Variants in EPHA6 observed in about 807,000 individuals in gnomAD.
The protein encoded by EPHA6 is EPH receptor A6.
Under a neutral mutation model 112.0 loss-of-function variants are expected in EPHA6, and 50 were observed. The observed-to-expected ratio is 0.45, with a 90% confidence interval of 0.36 to 0.56. EPHA6 has a LOEUF of 0.56. EPHA6 is among the 20% of genes least tolerant of loss of function. The pLI, the probability that EPHA6 is intolerant of heterozygous loss-of-function variation, is 0.00. For synonymous variants in EPHA6, 529 were observed against 490.7 expected (o/e 1.08, Z -1.03); for missense variants, 1,280 against 1,417.4 (o/e 0.90, Z 1.56).
At chr3:97,296,592 C>G (rs1236031402) in intron 5 of EPHA6, among the ~76,000 whole-genome samples, 1 of 152,120 alleles carries the variant, frequency 6.6e-6, no homozygotes. Context: ...GGCTCTCAGG[C>G]TCTGGGGAGT....
chr3:97,143,427 T>G (rs1038928047), intron 3 of EPHA6, among the ~76,000 whole-genome samples: 6 of 151,842 alleles, frequency 4.0e-5, no homozygotes, highest in African/African-American at 1.4e-4. Context: ...ATTTACAAAG[T>G]CAATTTTTAG....
At position 97,185,016 on chromosome 3, in the gene EPHA6, A is replaced by C. The variant is rs1025014298; in HGVS notation, c.1115-41248A>C. 1.6e-4 allele frequency among the ~76,000 whole-genome samples: 24 copies of C among 152,330 alleles called. No individual in the cohort carries two copies. The South Asian group carries it at 4.4e-3, about 28-fold the overall frequency. On this transcript the variant is annotated intron_variant, in intron 3 of 17. Transcript: ENST00000389672. ...CTGGGAAAACTGGCTAGCCATAGGT[A>C]GAAAGCTGAAACTGGATCCCTTCCT... is the stretch of plus-strand genomic sequence containing the variant.
chr3:96,919,802 A>G (rs1404111028), intron 2 of EPHA6, among the ~76,000 whole-genome samples: 1 of 151,682 alleles, frequency 6.6e-6, no homozygotes, highest in Non-Finnish European at 1.5e-5. Context: ...TTTATTTTTC[A>G]TTCTGTTAGT....
chr3:97,747,047 G>A (rs1342176947), intron 16 of EPHA6, among the ~76,000 whole-genome samples: 1 of 151,738 alleles, frequency 6.6e-6, no homozygotes, highest in Non-Finnish European at 1.5e-5. Flanking sequence ...TGGGGATAAG[G>A]GATGGGCTAT....
At chr3:96,987,293 T>C (rs374831686) in intron 2 of EPHA6, 37 bp from the exon 3 acceptor site, 131 of 1,534,052 alleles carry the variant, frequency 8.5e-5, no homozygotes, top group Non-Finnish European at 1.1e-4. Context: ...ATCACTGTGG[T>C]TTAAAATCAC....
intron 3 of EPHA6, among the ~76,000 whole-genome samples, chr3:96,988,385 C>A (rs2043096718): frequency 6.6e-6 from 1 of 151,934 alleles, no homozygotes; most frequent in South Asian, 2.1e-4. Flanking sequence ...GCTGTATCCG[C>A]CTAATTTTTA....
At chr3:97,427,900 G>A (rs1436989527) in intron 6 of EPHA6, among the ~76,000 whole-genome samples, 1 of 152,086 alleles carries the variant, frequency 6.6e-6, no homozygotes, top group Admixed American at 6.6e-5. Flanking sequence ...GGGAACAATA[G>A]ACACTGGGGC....
chr3:96,857,862 C>T (rs900972685), intron 1 of EPHA6, among the ~76,000 whole-genome samples: 1 of 152,064 alleles, frequency 6.6e-6, no homozygotes, highest in African/African-American at 2.4e-5. Flanking sequence ...AGCATCTCCT[C>T]AGAATGTATA....
At chr3:97,520,366 A>T (rs9853710) in intron 10 of EPHA6, among the ~76,000 whole-genome samples, 3,888 of 152,128 alleles carry the variant, frequency 0.026, 74 homozygotes, top group Admixed American at 0.04. Context: ...CCAGGTGTAG[A>T]CCTTCCTTAA....
At chr3:97,152,349 G>A (rs185961041) in intron 3 of EPHA6, among the ~76,000 whole-genome samples, 22 of 151,380 alleles carry the variant, frequency 1.5e-4, no homozygotes, top group African/African-American at 5.3e-4. Flanking sequence ...TGTTCCTTTA[G>A]CATTTTATAA....
intron 2 of EPHA6, among the ~76,000 whole-genome samples, chr3:96,984,093 C>A (rs372060487): frequency 6.6e-6 from 1 of 152,152 alleles, no homozygotes; most frequent in African/African-American, 2.4e-5. Context: ...CCGTTGCTGG[C>A]GAGGAACTGC....
intron 14 of EPHA6, among the ~76,000 whole-genome samples, chr3:97,679,746 G>A (rs1250308864): frequency 1.3e-5 from 2 of 151,900 alleles, no homozygotes; most frequent in Admixed American, 1.3e-4. Context: ...TACATTTCCC[G>A]GAAAAATTCT....
intron 10 of EPHA6, among the ~76,000 whole-genome samples, chr3:97,512,603 C>A (rs993831111): frequency 6.6e-6 from 1 of 152,140 alleles, no homozygotes; most frequent in African/African-American, 2.4e-5. Flanking sequence ...CTCATTCTGT[C>A]ACCCAGGCTA....
Position 97,754,554 on chromosome 3 carries a change from T to G in EPHA6, c.*5853T>G, listed in dbSNP as rs2107929383. Among the ~76,000 whole-genome samples, 1 of 152,338 alleles carries G rather than the reference T, an allele frequency of 6.6e-6. No homozygotes were observed. Among genetic ancestry groups the G allele is most frequent in the Admixed American group, 6.5e-5 (1 of 15,296 alleles). ...TTTTAAAATGAAAAAAAGAGAAAAC[T>G]TTTCAATTACTAAGGCAGGCAAAGC... On this transcript the variant is annotated 3_prime_UTR_variant, in exon 18 of 18. Coordinates refer to ENST00000389672, the MANE Select transcript of EPHA6 (RefSeq NM_001080448.3).
intron 11 of EPHA6, among the ~76,000 whole-genome samples, chr3:97,553,803 AC>A (rs1230777501): frequency 6.6e-6 from 1 of 152,170 alleles, no homozygotes; most frequent in Non-Finnish European, 1.5e-5. Context: ...GGAGAGACTG[AC>A]AAGACTAGCT....
intron 2 of EPHA6, among the ~76,000 whole-genome samples, chr3:96,878,658 A>G (rs1286747940): frequency 2.0e-5 from 3 of 152,050 alleles, no homozygotes; most frequent in African/African-American, 7.2e-5. Context: ...ATATTATCAC[A>G]CAGCCCCCAG....
chr3:96,941,774 T>G (rs1296094438), intron 2 of EPHA6, among the ~76,000 whole-genome samples: 1 of 152,206 alleles, frequency 6.6e-6, no homozygotes, highest in African/African-American at 2.4e-5. Context: ...AGATGGGTTT[T>G]TGGTGTGGAT....
intron 5 of EPHA6, among the ~76,000 whole-genome samples, chr3:97,273,942 C>T (rs1051631043): frequency 1.3e-5 from 2 of 152,072 alleles, no homozygotes; most frequent in African/African-American, 2.4e-5. Flanking sequence ...ATTTGCCAGT[C>T]CTGGGCAGGG....
chr3:97,024,615 A>G (rs2044571501), intron 3 of EPHA6, among the ~76,000 whole-genome samples: 2 of 152,182 alleles, frequency 1.3e-5, no homozygotes, highest in Admixed American at 6.5e-5. Context: ...AAATGTCCCA[A>G]TTTTCAAAAT....
Sources: allele counts gnomAD v4.1 joint callset (sites outside exome capture counted in the v4.1 genomes callset), GRCh38; gene constraint gnomAD v4.1.1; transcripts MANE v1.5; gene names NCBI Gene and HGNC (gene_info 2026-07-23, HGNC 2026-07-21).